The following SRGAP3 variants were observed in gnomAD, a reference collection of about 807,000 sequenced individuals.
The protein encoded by SRGAP3 is SLIT-ROBO Rho GTPase activating protein 3.
Under a neutral mutation model 121.1 loss-of-function variants are expected in SRGAP3, and 39 were observed. The observed-to-expected ratio is 0.32, with a 90% CI of 0.25 to 0.42. The LOEUF (loss-of-function observed/expected upper bound fraction) is 0.42. Ranked by LOEUF, SRGAP3 falls within the 10% of genes least tolerant of loss-of-function variation. The pLI, the probability that SRGAP3 is intolerant of heterozygous loss-of-function variation, is 1.00. For synonymous variants in SRGAP3, 601 were observed against 570.0 expected, an observed-to-expected ratio of 1.05 and a Z score of -0.77; for missense variants, 1,213 against 1,470.6, an observed-to-expected ratio of 0.82 and a Z score of 2.86.
At chr3:9,302,589 T>C (rs1233497093) in intron 3 of SRGAP3, among the ~76,000 whole-genome samples, 1 of 152,198 alleles carries the variant, frequency 6.6e-6, no homozygotes, top group Non-Finnish European at 1.5e-5. Context: ...TGGGTGGCTC[T>C]GAGCCCAGGG....
chr3:9,326,689 T>C (rs908977709), intron 2 of SRGAP3, among the ~76,000 whole-genome samples: 2 of 151,802 alleles, frequency 1.3e-5, no homozygotes, highest in African/African-American at 4.8e-5. Context: ...CTTAAGACCA[T>C]GGAGTTCATT....
intron 1 of SRGAP3, among the ~76,000 whole-genome samples, chr3:9,240,806 G>A (rs879295832): frequency 1.3e-5 from 2 of 152,220 alleles, no homozygotes; most frequent in Middle Eastern, 3.2e-3. Flanking sequence ...AGGTAGCTCT[G>A]GCAGCCTGCA....
intron 6 of SRGAP3, 174 bp downstream of exon 6, chr3:9,060,057 A>T: frequency 1.0e-6 from 1 of 987,790 alleles, no homozygotes; most frequent in Non-Finnish European, 1.5e-6. Context: ...CCACGAGGTA[A>T]CATTCATTTT....
At chr3:9,143,524 G>A (rs1949929512) in intron 1 of SRGAP3, among the ~76,000 whole-genome samples, 1 of 152,156 alleles carries the variant, frequency 6.6e-6, no homozygotes, top group Non-Finnish European at 1.5e-5. Context: ...CAGTTTCCAG[G>A]ACCAAGCCTT....
intron 12 of SRGAP3, among the ~76,000 whole-genome samples, chr3:9,031,358 C>A (rs9833434): frequency 0.025 from 3,773 of 152,198 alleles, 146 homozygotes; most frequent in African/African-American, 0.084. Flanking sequence ...CCTGCCCTCC[C>A]ATGACCCAGT....
At chr3:9,046,530 G>A (rs184056230) in intron 10 of SRGAP3, among the ~76,000 whole-genome samples, 1 of 152,358 alleles carries the variant, frequency 6.6e-6, no homozygotes, top group African/African-American at 2.4e-5. Flanking sequence ...TGCCGTGACA[G>A]CAGCTGGGAT....
chr3:9,282,149 G>T (rs940066492), intron 3 of SRGAP3, among the ~76,000 whole-genome samples: 4 of 152,112 alleles, frequency 2.6e-5, no homozygotes, highest in Non-Finnish European at 5.9e-5. Context: ...CAAACATTTT[G>T]ATCTCAGGAC....
At chr3:9,008,000 G>A (rs940718627) in intron 18 of SRGAP3, 3 of 152,116 alleles carry the variant, frequency 2.0e-5, no homozygotes, top group Admixed American at 6.5e-5. Flanking sequence ...GAGCCTTCAG[G>A]GAACATGAAA....
chr3:9,047,588 C>T (rs1945353812), intron 9 of SRGAP3, 113 bp from the exon 10 acceptor site: 4 of 1,005,030 alleles, frequency 4.0e-6, no homozygotes, highest in Non-Finnish European at 6.1e-6. Context: ...ACGTCACCCG[C>T]AGGGACCCCG....
chr3:8,985,674 C>T lies in SRGAP3; in HGVS notation c.3145G>A (p.Gly1049Ser). 2 of 1,596,856 alleles carry T rather than the reference C, an allele frequency of 1.3e-6. No individual in the cohort carries two copies. Among genetic ancestry groups the T allele is most frequent in the South Asian group, 1.1e-5 (1 of 90,912 alleles). Residue 1049 changes from glycine to serine, a missense_variant, in exon 22 of 22, where the codon GGC becomes AGC. Gly to Ser is a moderately conservative substitution (Grantham distance 56). Around this residue, in one of 2 missense-constraint regions of SRGAP3, gnomAD observed 420 missense variants for 437.7 expected, o/e 0.96. Coordinates refer to ENST00000383836, the MANE Select transcript of SRGAP3 (RefSeq NM_014850.4). The surrounding 1 kb of genome is among the most constrained non-coding windows in gnomAD (Gnocchi z 5.1). Reference protein sequence around the residue: ...FKPALSARLAGAQLRPPPMRP... With the variant: ...FKPALSARLASAQLRPPPMRP... ...ATGGGGGGCGGGCGGAGCTGGGCGC[C>T]AGCCAGGCGGGCGGACAGGGCTGGC...
intron 1 of SRGAP3, among the ~76,000 whole-genome samples, chr3:9,202,202 C>T (rs753775893): frequency 1.1e-4 from 16 of 152,204 alleles, no homozygotes; most frequent in Non-Finnish European, 2.2e-4. Context: ...TCCATAGAAA[C>T]AGCTATGGCG....
rs1220257001 is a variant in SRGAP3 at position 9,141,551 on chromosome 3, GGGGTGTGTGTGT to G, written c.68-16646_68-16635del. On this transcript the variant is annotated intron_variant, in intron 1 of 21. Transcript: ENST00000383836. ...AAGAAACAAGAAGGATCTGACTTCAGGGGTGTGTGTGTGTGTGTGTGTGTGTGTGTGTGTGTG... is the reference window on the plus strand; with the variant it reads ...AAGAAACAAGAAGGATCTGACTTCAGGTGTGTGTGTGTGTGTGTGTGTGTG... 5.0e-3 allele frequency among the ~76,000 whole-genome samples: 589 copies of G among 117,616 alleles called. 3 individuals carry two copies. The highest frequency in any genetic ancestry group is 0.023 in the African/African-American group (563 of 24,684). 77.2% of individuals were successfully genotyped at this position (117,616 alleles called of 152,430 possible). A position where few individuals can be genotyped will look rare whatever the true frequency, so the allele number is the denominator to read the frequency against.
chr3:9,345,123 A>T (rs551726256), intron 1 of SRGAP3, among the ~76,000 whole-genome samples: 1 of 152,324 alleles, frequency 6.6e-6, no homozygotes, highest in Admixed American at 6.5e-5. Flanking sequence ...CAATACTTCT[A>T]CCAGTAGAAT....
At chr3:9,026,905 C>T in intron 13 of SRGAP3, 30 bp downstream of exon 13, 1 of 1,613,440 alleles carries the variant, frequency 6.2e-7, no homozygotes. Flanking sequence ...CTGCAGATTG[C>T]TGAAAACACT....
At chr3:9,257,809 A>G (rs1954166748) in intron 3 of SRGAP3, among the ~76,000 whole-genome samples, 1 of 147,408 alleles carries the variant, frequency 6.8e-6, no homozygotes, top group African/African-American at 2.5e-5. Context: ...GGTTCAAGCA[A>G]TTCTCCTGCC....
intron 3 of SRGAP3, among the ~76,000 whole-genome samples, chr3:9,083,541 T>C (rs941525043): frequency 6.6e-6 from 1 of 152,246 alleles, no homozygotes; most frequent in East Asian, 1.9e-4. Flanking sequence ...TTTTCCATCA[T>C]GTAACTTTTA....
At chr3:8,986,055 T>A in intron 21 of SRGAP3, 123 bp from the exon 22 acceptor site, 1 of 1,541,794 alleles carries the variant, frequency 6.5e-7, no homozygotes, top group African/African-American at 1.4e-5. Flanking sequence ...GGATGGAGAT[T>A]AAGTCCTCAG....
intron 3 of SRGAP3, among the ~76,000 whole-genome samples, chr3:9,269,739 C>A (rs1954437536): frequency 1.3e-5 from 2 of 152,166 alleles, no homozygotes; most frequent in Admixed American, 6.5e-5. Context: ...CATATCTACC[C>A]TGATTTCTAC....
At chr3:9,340,888 T>C (rs959431212) in intron 1 of SRGAP3, among the ~76,000 whole-genome samples, 3 of 152,210 alleles carry the variant, frequency 2.0e-5, no homozygotes, top group Non-Finnish European at 4.4e-5. Flanking sequence ...TCTGGCATCC[T>C]GGGCTGCTAT....
Sources: allele counts gnomAD v4.1 joint callset (sites outside exome capture counted in the v4.1 genomes callset), GRCh38; gene constraint gnomAD v4.1.1; regional missense constraint gnomAD v4.1.1; non-coding constraint Gnocchi (gnomAD v3.1); transcripts MANE v1.5; gene names NCBI Gene and HGNC (gene_info 2026-07-23, HGNC 2026-07-21).